Variants in OR1J2 observed in about 807,000 individuals in gnomAD.
OR1J2 encodes the protein olfactory receptor family 1 subfamily J member 2, also known as olfactory receptor 1J2.
For synonymous variants in OR1J2, 142 were observed against 99.7 expected (o/e 1.42, Z -2.52); for missense variants, 304 against 246.1 (o/e 1.24, Z -1.57).
the OR1J2 span, among the ~76,000 whole-genome samples, chr9:122,545,633 T>C: frequency 6.6e-6 from 1 of 152,132 alleles, no homozygotes; most frequent in Non-Finnish European, 1.5e-5. Context: ...ACATAGACAC[T>C]CCAGCTTTCT....
upstream of OR1J2, among the ~76,000 whole-genome samples, chr9:122,509,527 T>C (rs117759447): frequency 2.0e-4 from 30 of 152,348 alleles, no homozygotes; most frequent in East Asian, 5.8e-3. Context: ...TAAAGTATTT[T>C]CTCATAGCCA....
At chr9:122,575,728 C>G in the OR1J2 span, among the ~76,000 whole-genome samples, 1 of 152,138 alleles carries the variant, frequency 6.6e-6, no homozygotes, top group South Asian at 2.1e-4. Context: ...ATTAACATAT[C>G]TATAATCTCA....
chr9:122,543,934 A>G, the OR1J2 span, among the ~76,000 whole-genome samples: 5 of 152,248 alleles, frequency 3.3e-5, no homozygotes, highest in African/African-American at 1.2e-4. Flanking sequence ...GGTTTGTTAC[A>G]CAACCACAGG....
the OR1J2 span, chr9:122,567,998 G>A: frequency 6.2e-7 from 1 of 1,614,138 alleles, no homozygotes; most frequent in Non-Finnish European, 8.5e-7. Flanking sequence ...GCAGAAGTGT[G>A]TGCAGGAGTG....
the OR1J2 span, among the ~76,000 whole-genome samples, chr9:122,472,917 C>T: frequency 5.3e-5 from 8 of 152,238 alleles, no homozygotes; most frequent in East Asian, 1.9e-4. Context: ...CTCCTGTCAA[C>T]GAATTAATAC....
the OR1J2 span, among the ~76,000 whole-genome samples, chr9:122,504,998 C>T: frequency 3.3e-5 from 5 of 152,026 alleles, no homozygotes; most frequent in South Asian, 2.1e-4. Flanking sequence ...TTCTTTTAAC[C>T]GTCTTCCCTG....
chr9:122,464,576 G>A, the OR1J2 span, among the ~76,000 whole-genome samples: 3 of 152,248 alleles, frequency 2.0e-5, no homozygotes, highest in African/African-American at 7.2e-5. Context: ...AGTGGGGGCT[G>A]CAAGTTAGTT....
At chr9:122,547,032 G>A in the OR1J2 span, among the ~76,000 whole-genome samples, 1 of 151,818 alleles carries the variant, frequency 6.6e-6, no homozygotes, top group Non-Finnish European at 1.5e-5. Flanking sequence ...CAGTGGTATA[G>A]AACACTAGAA....
At chr9:122,526,714 CGTT>C in the OR1J2 span, 3 of 1,613,972 alleles carry the variant, frequency 1.9e-6, no homozygotes, top group Admixed American at 5.0e-5. Flanking sequence ...ACCATCATCT[CGTT>C]GATGTGGGTG....
chr9:122,489,616 T>A, the OR1J2 span, among the ~76,000 whole-genome samples: 3 of 152,214 alleles, frequency 2.0e-5, no homozygotes, highest in East Asian at 3.9e-4. Context: ...TGTTTTTCAA[T>A]AACCAATGTA....
At chr9:122,528,337 C>G in the OR1J2 span, among the ~76,000 whole-genome samples, 5 of 152,308 alleles carry the variant, frequency 3.3e-5, no homozygotes, top group East Asian at 9.7e-4. Flanking sequence ...TGGCTCATGC[C>G]TGTAATCCCA....
the OR1J2 span, among the ~76,000 whole-genome samples, chr9:122,480,513 A>T: frequency 6.7e-6 from 1 of 149,520 alleles, no homozygotes; most frequent in Non-Finnish European, 1.5e-5. Context: ...AACTTGTGTC[A>T]TGGGGGTTTG....
the OR1J2 span, among the ~76,000 whole-genome samples, chr9:122,484,793 GA>G: frequency 1.3e-5 from 2 of 152,160 alleles, no homozygotes; most frequent in African/African-American, 4.8e-5. Context: ...AACACTTTGG[GA>G]GGCTGAGGAG....
chr9:122,557,850 T>C, the OR1J2 span, among the ~76,000 whole-genome samples: 1 of 152,056 alleles, frequency 6.6e-6, no homozygotes, highest in Non-Finnish European at 1.5e-5. Flanking sequence ...TGGTACTTTC[T>C]GTTTGGGAAA....
chr9:122,537,780 C>T, the OR1J2 span, among the ~76,000 whole-genome samples: 2 of 151,916 alleles, frequency 1.3e-5, no homozygotes, highest in Non-Finnish European at 2.9e-5. Flanking sequence ...TGCGGACACA[C>T]CAAGGATAAG....
chr9:122,519,788 C>A, the OR1J2 span: 3 of 1,614,180 alleles, frequency 1.9e-6, no homozygotes, highest in Non-Finnish European at 2.5e-6. Context: ...GCATCTTGAT[C>A]TCTTATGGCC....
chr9:122,504,238 G>A, the OR1J2 span, among the ~76,000 whole-genome samples: 1 of 152,162 alleles, frequency 6.6e-6, no homozygotes, highest in African/African-American at 2.4e-5. Context: ...CAGTAGCTCC[G>A]TAGCAGTTCC....
the OR1J2 span, among the ~76,000 whole-genome samples, chr9:122,524,935 T>C: frequency 6.6e-6 from 1 of 152,144 alleles, no homozygotes; most frequent in Non-Finnish European, 1.5e-5. Context: ...GGATAGTCCA[T>C]TGCCAGTTCA....
At chr9:122,537,848 G>A in the OR1J2 span, among the ~76,000 whole-genome samples, 119 of 152,330 alleles carry the variant, frequency 7.8e-4, no homozygotes, top group African/African-American at 2.6e-3. Context: ...CTCTGCAGCA[G>A]AGAAGGGTCC....
Sources: allele counts gnomAD v4.1 joint callset (sites outside exome capture counted in the v4.1 genomes callset), GRCh38; gene constraint gnomAD v4.1.1; transcripts MANE v1.5; gene names NCBI Gene and HGNC (gene_info 2026-07-23, HGNC 2026-07-21).